The following PAM variants were observed in gnomAD, a reference collection of about 807,000 sequenced individuals.
The protein encoded by PAM is peptidylglycine alpha-amidating monooxygenase.
PAM carries 72 observed loss-of-function variants against 122.1 expected under a neutral mutation model. That is an observed-to-expected ratio of 0.59 (90% CI 0.49 to 0.72). The LOEUF (loss-of-function observed/expected upper bound fraction) is 0.72. Among genes scored for constraint, PAM ranks in the 30% least tolerant of loss-of-function variants. The pLI, the probability that PAM is intolerant of heterozygous loss-of-function variation, is 0.00. For missense variants in PAM, 1,106 were observed against 1,183.7 expected (o/e 0.93, Z 0.96); for synonymous variants, 389 against 404.4 (o/e 0.96, Z 0.46).
chr5:102,818,882 CATTT>C (rs1362464541), intron 1 of PAM, among the ~76,000 whole-genome samples: 1 of 152,148 alleles, frequency 6.6e-6, no homozygotes, highest in African/African-American at 2.4e-5. Context: ...TATGAATGCA[CATTT>C]AGAGTTTGGA....
rs143776075 is a variant in PAM at position 102,757,138 on chromosome 5, C to T, written c.-374+1790C>T. Among the ~76,000 whole-genome samples the T allele has an allele frequency of 8.7e-4, 133 of 152,104 alleles. 1 individual carries two copies. The highest frequency in any genetic ancestry group is 3.1e-3 in the African/African-American group (130 of 41,468). ...GTCAGAAGTTCCGTACCAGCCTGGCCGACATGGTGAAATCCCATCTCTACT... is the reference window on the plus strand; with the variant it reads ...GTCAGAAGTTCCGTACCAGCCTGGCTGACATGGTGAAATCCCATCTCTACT... On this transcript the variant is annotated intron_variant, in intron 1 of 25. Transcript: ENST00000438793.
chr5:102,980,654 G>C (rs1402883916), intron 15 of PAM, among the ~76,000 whole-genome samples: 1 of 152,006 alleles, frequency 6.6e-6, no homozygotes, highest in African/African-American at 2.4e-5. Flanking sequence ...ATCGTATAGG[G>C]AATAGCCTTT....
intron 5 of PAM, among the ~76,000 whole-genome samples, chr5:102,918,745 T>A (rs1014256205): frequency 1.3e-5 from 2 of 152,090 alleles, no homozygotes; most frequent in East Asian, 1.9e-4. Flanking sequence ...CTCTCTTTTT[T>A]AAATATGAGA....
At chr5:103,011,369 AACAC>A (rs1373055129) in intron 21 of PAM, among the ~76,000 whole-genome samples, 1 of 140,744 alleles carries the variant, frequency 7.1e-6, no homozygotes, top group South Asian at 2.2e-4. Context: ...CACACACACA[AACAC>A]ACACTCACAC....
At chr5:102,795,084 T>C (rs1763020487) in intron 1 of PAM, among the ~76,000 whole-genome samples, 1 of 144,620 alleles carries the variant, frequency 6.9e-6, no homozygotes, top group South Asian at 2.2e-4. Flanking sequence ...CAGCTACTTG[T>C]GGGGCTGAGG....
At position 102,948,449 on chromosome 5, in the gene PAM, A is replaced by G; in HGVS notation, c.643+4A>G. 6.7e-7 allele frequency: 1 copy of G among 1,483,050 alleles called. No homozygotes were observed. The highest frequency in any genetic ancestry group is 9.4e-7 in the Non-Finnish European group (1 of 1,062,994). 91.9% of individuals were successfully genotyped at this position (1,483,050 alleles called of 1,614,324 possible). A position where few individuals can be genotyped will look rare whatever the true frequency, so the allele number is the denominator to read the frequency against. ...GTTATCCCAGCAGGAGAAAAAGGTG[A>G]GTAATGATTTTTTAATATTTACCAT... On this transcript the variant is annotated splice_donor_region_variant and intron_variant, in intron 9 of 25. Transcript: ENST00000438793.
At chr5:102,900,408 A>C (rs1797465513) in intron 3 of PAM, among the ~76,000 whole-genome samples, 1 of 151,644 alleles carries the variant, frequency 6.6e-6, no homozygotes, top group Non-Finnish European at 1.5e-5. Flanking sequence ...AGAATAGATC[A>C]CATCTCAGTA....
At chr5:103,007,192 T>TACATAC (rs1779269657) in intron 19 of PAM, among the ~76,000 whole-genome samples, 181 bp downstream of exon 19, 2 of 141,470 alleles carry the variant, frequency 1.4e-5, no homozygotes, top group African/African-American at 2.6e-5. Flanking sequence ...CACATATACA[T>TACATAC]ACACACACAC....
intron 1 of PAM, among the ~76,000 whole-genome samples, chr5:102,817,034 T>G (rs1770077289): frequency 6.6e-6 from 1 of 152,136 alleles, no homozygotes; most frequent in Non-Finnish European, 1.5e-5. Flanking sequence ...TGTTGGTATG[T>G]ATTTGTCCAG....
intron 14 of PAM, among the ~76,000 whole-genome samples, chr5:102,970,456 A>G (rs2150382606): frequency 6.6e-6 from 1 of 152,288 alleles, no homozygotes; most frequent in South Asian, 2.1e-4. Context: ...AAAAGCCTGA[A>G]GGATATGTTA....
At chr5:102,757,878 T>C (rs1750931821) in intron 1 of PAM, among the ~76,000 whole-genome samples, 1 of 150,632 alleles carries the variant, frequency 6.6e-6, no homozygotes, top group Non-Finnish European at 1.5e-5. Flanking sequence ...CTACAAAAAA[T>C]ATTAAAAGAA....
intron 23 of PAM, among the ~76,000 whole-genome samples, chr5:103,023,048 A>C (rs1784034254): frequency 6.6e-6 from 1 of 152,164 alleles, no homozygotes; most frequent in South Asian, 2.1e-4. Flanking sequence ...TATTTTTAGT[A>C]GATAACACTC....
At chr5:102,762,156 C>T (rs909839838) in intron 1 of PAM, among the ~76,000 whole-genome samples, 6 of 152,236 alleles carry the variant, frequency 3.9e-5, no homozygotes, top group Non-Finnish European at 8.8e-5. Context: ...TCCCCTTCCT[C>T]AGCCCTGCTG....
intron 7 of PAM, among the ~76,000 whole-genome samples, chr5:102,928,560 A>C (rs1750402486): frequency 6.6e-6 from 1 of 152,136 alleles, no homozygotes; most frequent in African/African-American, 2.4e-5. Flanking sequence ...TGTAAGCAAA[A>C]ATTTCACTCA....
intron 3 of PAM, 64 bp downstream of exon 3, chr5:102,867,457 A>C: frequency 7.9e-7 from 1 of 1,267,734 alleles, no homozygotes; most frequent in African/African-American, 1.5e-5. Context: ...TAAAGTAAGG[A>C]AACTGCATTT....
intron 1 of PAM, among the ~76,000 whole-genome samples, chr5:102,852,369 CA>C (rs1285265248): frequency 6.6e-6 from 1 of 151,982 alleles, no homozygotes; most frequent in Non-Finnish European, 1.5e-5. Context: ...TGATCTCTAT[CA>C]AATGTGTAAA....
intron 1 of PAM, among the ~76,000 whole-genome samples, chr5:102,780,763 CTTTCTTTCTT>C (rs1408040407): frequency 5.6e-5 from 3 of 53,528 alleles, no homozygotes; most frequent in African/African-American, 2.2e-4. Context: ...CTCTTTCTTT[CTTTCTTTCTT>C]TCTTTCTTTC....
intron 1 of PAM, among the ~76,000 whole-genome samples, chr5:102,822,467 GA>G (rs1168054574): frequency 6.6e-6 from 1 of 152,060 alleles, no homozygotes. Flanking sequence ...CACAGCTTTG[GA>G]ATGTGAGAGG....
intron 15 of PAM, among the ~76,000 whole-genome samples, chr5:102,977,639 AACACACACATGCATGTGCGC>A (rs1768109902): frequency 1.4e-5 from 2 of 140,954 alleles, no homozygotes; most frequent in Admixed American, 1.5e-4. Flanking sequence ...CAGGCTTCCC[AACACACACATGCATGTGCGC>A]ACACACACAC....
Sources: gnomAD v4.1 joint callset for allele counts (sites outside exome capture counted in the v4.1 genomes callset) on GRCh38, gnomAD v4.1.1 for gene constraint, MANE v1.5 for transcripts, NCBI Gene and HGNC (gene_info 2026-07-23, HGNC 2026-07-21) for gene names.